Variants in TNPO3 observed in about 807,000 individuals in gnomAD.
The protein encoded by TNPO3 is transportin 3, also known as transportin-3.
A neutral mutation model predicts 122.8 loss-of-function variants in TNPO3; 65 were observed. The observed-to-expected ratio is 0.53, with a 90% CI of 0.43 to 0.65. The LOEUF is 0.65. Ranked by LOEUF, TNPO3 falls within the 30% of genes least tolerant of loss-of-function variation. TNPO3 has a pLI of 0.00. For synonymous variants in TNPO3, 372 were observed against 411.2 expected, an observed-to-expected ratio of 0.90 and a Z score of 1.15; for missense variants, 850 against 1,136.7, an observed-to-expected ratio of 0.75 and a Z score of 3.63.
At chr7:128,988,227 C>T (rs978856143) in intron 11 of TNPO3, among the ~76,000 whole-genome samples, 2 of 152,168 alleles carry the variant, frequency 1.3e-5, no homozygotes, top group Non-Finnish European at 2.9e-5. Flanking sequence ...CCTCTCGCCT[C>T]AGCCTCCCAA....
chr7:129,051,933 T>C (rs1808826335), intron 1 of TNPO3, among the ~76,000 whole-genome samples: 1 of 152,160 alleles, frequency 6.6e-6, no homozygotes, highest in Admixed American at 6.6e-5. Flanking sequence ...CGTGAGCCAC[T>C]GCACGCCCAG....
intron 10 of TNPO3, among the ~76,000 whole-genome samples, chr7:128,991,686 A>G (rs902285329): frequency 6.6e-6 from 1 of 152,212 alleles, no homozygotes; most frequent in African/African-American, 2.4e-5. Flanking sequence ...AAGTACCAAC[A>G]ATTAAACAGT....
At position 129,001,177 on chromosome 7, in the gene TNPO3, C is replaced by G; in HGVS notation, c.754G>C (p.Ala252Pro). The change falls in exon 6 of 23, where the codon GCT becomes CCT. Residue 252 changes from alanine to proline, a missense_variant. Ala to Pro is a conservative substitution (Grantham distance 27). Transcript: ENST00000265388. ...TCCACATTCTCAATGGCATAGAGAG[C>G]TGAGCATACACAGTCCGAAGCAGCT... ...HEAASDCVCS[A>P]LYAIENVETN... 1 of 1,614,042 alleles carries G rather than the reference C, an allele frequency of 6.2e-7. No homozygotes were observed.
intron 1 of TNPO3, among the ~76,000 whole-genome samples, chr7:129,028,023 A>T (rs1432100608): frequency 6.6e-6 from 1 of 152,224 alleles, no homozygotes; most frequent in Non-Finnish European, 1.5e-5. Context: ...AGGAGTCAAC[A>T]GCAAAAGGGA....
rs1179859500 is a variant in TNPO3 at position 128,979,987 on chromosome 7, T to C, written c.1904A>G (p.Gln635Arg). The change falls in exon 15 of 23, where the codon CAG becomes CGG. Residue 635 changes from glutamine to arginine, a missense_variant. Transcript: ENST00000265388. Reference protein sequence around the residue: ...IVENGQTHPCQKVIQEIWPVL... With the variant: ...IVENGQTHPCRKVIQEIWPVL... ...AGCACTTACTTCCTGTATGACTTTC[T>C]GACACGGATGAGTCTGTCCATTTTC... 1 of 1,614,144 alleles carries C rather than the reference T, an allele frequency of 6.2e-7. No individual in the cohort carries two copies. Among genetic ancestry groups the C allele is most frequent in the Non-Finnish European group, 8.5e-7 (1 of 1,179,988 alleles).
intron 21 of TNPO3, among the ~76,000 whole-genome samples, chr7:128,965,953 A>T (rs1797888838): frequency 6.6e-6 from 1 of 152,194 alleles, no homozygotes; most frequent in Admixed American, 6.5e-5. Flanking sequence ...TTGTTGCTTA[A>T]TGGGTATAGT....
intron 1 of TNPO3, 132 bp from the exon 2 acceptor site, chr7:129,018,289 C>G: frequency 2.4e-6 from 2 of 840,256 alleles, no homozygotes; most frequent in Non-Finnish European, 3.6e-6. Context: ...CTAAATTACC[C>G]AGTAATTCAG....
chr7:128,980,498 C>T (rs934766703), intron 14 of TNPO3, among the ~76,000 whole-genome samples: 8 of 151,962 alleles, frequency 5.3e-5, no homozygotes, highest in African/African-American at 1.7e-4. Context: ...ATCCCAGCTA[C>T]TTGGGAGGCT....
chr7:128,989,373 T>C (rs183236444), intron 11 of TNPO3, among the ~76,000 whole-genome samples: 1 of 152,314 alleles, frequency 6.6e-6, no homozygotes, highest in Admixed American at 6.5e-5. Context: ...GGAAAAGTCA[T>C]TTCGTCTCTT....
At chr7:129,051,249 C>A (rs527479458) in intron 1 of TNPO3, among the ~76,000 whole-genome samples, 2 of 150,324 alleles carry the variant, frequency 1.3e-5, no homozygotes, top group African/African-American at 4.9e-5. Flanking sequence ...ATAAAGATTT[C>A]AAAAAAAACT....
At chr7:128,981,950 G>A (rs1336426758) in intron 14 of TNPO3, among the ~76,000 whole-genome samples, 3 of 152,004 alleles carry the variant, frequency 2.0e-5, no homozygotes, top group Non-Finnish European at 2.9e-5. Flanking sequence ...GGCTGGTGTC[G>A]AACTCCTGAG....
At chr7:128,978,571 C>G (rs1253625206) in intron 16 of TNPO3, among the ~76,000 whole-genome samples, 2 of 152,184 alleles carry the variant, frequency 1.3e-5, no homozygotes, top group Non-Finnish European at 2.9e-5. Context: ...ATCACAGGCA[C>G]TAATCTCTTT....
intron 14 of TNPO3, among the ~76,000 whole-genome samples, chr7:128,981,478 C>T (rs956222327): frequency 1.3e-5 from 2 of 152,098 alleles, no homozygotes; most frequent in Non-Finnish European, 2.9e-5. Context: ...CTATATACAG[C>T]GATGGTTCTG....
At chr7:128,994,127 G>T (rs1801044375) in intron 8 of TNPO3, among the ~76,000 whole-genome samples, 1 of 152,070 alleles carries the variant, frequency 6.6e-6, no homozygotes, top group African/African-American at 2.4e-5. Flanking sequence ...TTTACCAGGA[G>T]AAAATCTTTG....
intron 21 of TNPO3, among the ~76,000 whole-genome samples, chr7:128,957,771 T>A (rs1347334135): frequency 6.6e-6 from 1 of 152,220 alleles, no homozygotes; most frequent in Non-Finnish European, 1.5e-5. Flanking sequence ...ATAAGTTTCC[T>A]CATTCTCTTC....
chr7:128,995,878 T>C, intron 8 of TNPO3, among the ~76,000 whole-genome samples: 1 of 152,196 alleles, frequency 6.6e-6, no homozygotes. Flanking sequence ...TTTGTATTTT[T>C]AGTAGAGACG....
chr7:128,996,742 CAAAAAAAAAAAAAA>C (rs10618550), intron 8 of TNPO3, among the ~76,000 whole-genome samples: 3 of 69,888 alleles, frequency 4.3e-5, no homozygotes, highest in Admixed American at 2.0e-4. Flanking sequence ...GACTCCGTCT[CAAAAAAAAAAAAAA>C]AAAAAAAAAA....
At position 128,975,850 on chromosome 7, in the gene TNPO3, C is replaced by T; in HGVS notation, c.2147G>A (p.Gly716Asp). ...CATGTCTAGCAGTCCCTGCCGACAG[C>T]CTTCTTCCATGCCATATTCATCCAC... ...ILVDEYGMEE[G>D]CRQGLLDMLQ... is the part of the protein sequence containing the mutation. The change falls in exon 17 of 23, where the codon GGC (glycine) becomes GAC (aspartate). Residue 716 changes from glycine (G) to aspartate (D), a missense_variant. Physicochemically the swap from Gly to Asp is moderately conservative, Grantham distance 94. Transcript: ENST00000265388. 1.2e-6 allele frequency: 2 copies of T among 1,613,860 alleles called. No individual in the cohort carries two copies. The highest frequency in any genetic ancestry group is 4.5e-5 in the East Asian group (2 of 44,878).
chr7:129,054,512 G>A, intron 1 of TNPO3, 139 bp downstream of exon 1: 2 of 1,358,934 alleles, frequency 1.5e-6, no homozygotes, highest in Non-Finnish European at 9.8e-7. Flanking sequence ...ATGTAGCTTC[G>A]CAGCCCCACC....
Sources: gnomAD v4.1 joint callset for allele counts (sites outside exome capture counted in the v4.1 genomes callset) on GRCh38, gnomAD v4.1.1 for gene constraint, MANE v1.5 for transcripts, NCBI Gene and HGNC (gene_info 2026-07-23, HGNC 2026-07-21) for gene names.